SCN2B: variants seen among roughly 807,000 people sequenced by gnomAD.
The protein encoded by SCN2B is sodium channel regulatory subunit beta-2.
SCN2B carries 14 observed loss-of-function variants against 18.2 expected under a neutral mutation model. The observed-to-expected ratio is 0.77, with a 90% confidence interval of 0.51 to 1.21. SCN2B has a LOEUF of 1.21. Among genes scored for constraint, SCN2B ranks in the 50% most tolerant of loss-of-function variants. SCN2B has a pLI of 0.00. For missense variants in SCN2B, 262 were observed against 286.9 expected, an observed-to-expected ratio of 0.91 and a Z score of 0.63; for synonymous variants, 115 against 115.3, an observed-to-expected ratio of 1.00 and a Z score of 0.02.
At chr11:118,169,149 T>C (rs1263672347) in intron 1 of SCN2B, among the ~76,000 whole-genome samples, 1 of 152,072 alleles carries the variant, frequency 6.6e-6, no homozygotes, top group African/African-American at 2.4e-5. Context: ...GATGTGGTCT[T>C]TGGGGCAAAG....
intron 1 of SCN2B, among the ~76,000 whole-genome samples, chr11:118,173,250 A>AC (rs1948443519): frequency 6.6e-6 from 1 of 151,456 alleles, no homozygotes; most frequent in South Asian, 2.1e-4. Flanking sequence ...CACTCCAGTG[A>AC]CCCCAGTTCT....
chr11:118,167,058 G>A lies in SCN2B; in HGVS notation c.477C>T (p.Ala159=), dbSNP rs777479532. Residue 159 remains alanine, a synonymous_variant, in exon 4 of 4, where the codon GCC becomes GCT. Transcript: ENST00000278947. ...EEPPERDSTV[A]VIVGASVGGF... is the part of the protein sequence containing the mutation. ...CCCCGACGGAGGCACCCACAATCAC[G>A]GCCACCGTGGAGTCCCGCTCAGGGG... 4.2e-5 allele frequency: 67 copies of A among 1,612,926 alleles called. No individual in the cohort carries two copies. The highest frequency in any genetic ancestry group is 1.2e-4 in the Admixed American group (7 of 60,004).
chr11:118,174,101 T>TTTTTTTTTG lies in SCN2B; in HGVS notation c.70+2260_70+2261insCAAAAAAAA. ...GCTTATTTTTCTTTTCTTTTTTTTT[T>TTTTTTTTTG]TTTTTTTTTTTTTTTTTTTGTAGAG... On this transcript the variant is annotated intron_variant, in intron 1 of 3. Transcript: ENST00000278947. Among the ~76,000 whole-genome samples the TTTTTTTTTG allele has an allele frequency of 5.5e-5, 7 of 126,350 alleles. 1 individual carries two copies. Among genetic ancestry groups the TTTTTTTTTG allele is most frequent in the African/African-American group, 2.2e-4 (7 of 31,722 alleles). 82.9% of individuals were successfully genotyped at this position (126,350 alleles called of 152,430 possible). A position where few individuals can be genotyped will look rare whatever the true frequency, so the allele number is the denominator to read the frequency against.
intron 1 of SCN2B, 139 bp downstream of exon 1, chr11:118,176,223 C>G: frequency 1.3e-6 from 1 of 798,258 alleles, no homozygotes; most frequent in Non-Finnish European, 2.2e-6. Context: ...ACGTCCCTTC[C>G]AGTCCCCAGC....
rs8192615 is a variant in SCN2B at position 118,166,628 on chromosome 11, A to C, written c.*259T>G. 8.6e-5 allele frequency: 45 copies of C among 523,826 alleles called. No homozygotes were observed. The highest frequency in any genetic ancestry group is 1.4e-4 in the East Asian group (4 of 29,548). 32.4% of individuals were successfully genotyped at this position (523,826 alleles called of 1,614,324 possible). ...TCACATGTGCCTCCTGCCTCCCCCC[A>C]GGGACTGGCAGGTGGGAGCCCTTTC... On this transcript the variant is annotated 3_prime_UTR_variant, in exon 4 of 4. Transcript: ENST00000278947.
Position 118,168,563 on chromosome 11 carries a change from C to T in SCN2B, c.237+22G>A, listed in dbSNP as rs141790881. On this transcript the variant is annotated intron_variant, in intron 2 of 3. Coordinates refer to ENST00000278947, the MANE Select transcript of SCN2B (RefSeq NM_004588.5). This position sits in a 1 kb window ranked among gnomAD's most constrained non-coding sequence, Gnocchi z 4.7. Reference sequence around the variant, plus strand: ...GGGGCTCCTACCTCCTCCCCTGCCCCTGCCTTCAGCCCAGGACTCACCATC... The same window carrying T: ...GGGGCTCCTACCTCCTCCCCTGCCCTTGCCTTCAGCCCAGGACTCACCATC... The T allele has an allele frequency of 1.5e-4, 241 of 1,614,130 alleles. No individual in the cohort carries two copies. The African/African-American group carries it at 2.9e-3, about 19-fold the overall frequency.
chr11:118,170,276 G>T (rs764887828), intron 1 of SCN2B, among the ~76,000 whole-genome samples: 10 of 152,212 alleles, frequency 6.6e-5, no homozygotes, highest in African/African-American at 9.6e-5. Context: ...TGTCGGGTGG[G>T]CAGGGAAGAC....
intron 1 of SCN2B, among the ~76,000 whole-genome samples, chr11:118,169,256 T>C (rs1259317711): frequency 6.6e-6 from 1 of 152,160 alleles, no homozygotes; most frequent in Non-Finnish European, 1.5e-5. Context: ...AAGCCTTTTC[T>C]AGAACCACTG....
intron 1 of SCN2B, among the ~76,000 whole-genome samples, chr11:118,170,487 C>T (rs970042713): frequency 2.0e-5 from 3 of 152,112 alleles, no homozygotes; most frequent in Non-Finnish European, 4.4e-5. Context: ...AAGAGTTAGG[C>T]AGGGACCAGC....
At position 118,165,545 on chromosome 11, in the gene SCN2B, C is replaced by G. The variant is rs1208363890; in HGVS notation, c.*1342G>C. On this transcript the variant is annotated 3_prime_UTR_variant, in exon 4 of 4. Transcript: ENST00000278947. Reference sequence around the variant, plus strand: ...AATTGCAGTGGCACTATCACTATCTCAGTTCACTGCAACCTCTGCTTCCCG... The same window carrying G: ...AATTGCAGTGGCACTATCACTATCTGAGTTCACTGCAACCTCTGCTTCCCG... 1 of 134,690 alleles carries G rather than the reference C, an allele frequency of 7.4e-6. No individual in the cohort carries two copies. Among genetic ancestry groups the G allele is most frequent in the Non-Finnish European group, 1.5e-5 (1 of 65,876 alleles). 8.3% of individuals were successfully genotyped at this position (134,690 alleles called of 1,614,324 possible). A position where few individuals can be genotyped will look rare whatever the true frequency, so the allele number is the denominator to read the frequency against.
rs1948406975 is a variant in SCN2B, at chr11:118,168,741, T to C, written c.81A>G (p.Gly27=). 5.0e-6 allele frequency: 8 copies of C among 1,614,060 alleles called. No individual in the cohort carries two copies. Among genetic ancestry groups the C allele is most frequent in the Non-Finnish European group, 6.8e-6 (8 of 1,180,028 alleles). ...LSLFFSLVPP[G]RSMEVTVPAT... ...CAGGTACTGTGACCTCCATGCTCCG[T>C]CCTGGTGGCACTGCAGATGAAGCCA... Residue 27 remains glycine (G), a synonymous_variant, in exon 2 of 4, where the codon GGA becomes GGG. Transcript: ENST00000278947. The surrounding 1 kb of genome is among the most constrained non-coding windows in gnomAD (Gnocchi z 4.7).
At chr11:118,174,869 T>C (rs1424537246) in intron 1 of SCN2B, among the ~76,000 whole-genome samples, 1 of 152,200 alleles carries the variant, frequency 6.6e-6, no homozygotes, top group Non-Finnish European at 1.5e-5. Flanking sequence ...CTGGGCCTCC[T>C]TACAACAGGC....
intron 1 of SCN2B, among the ~76,000 whole-genome samples, chr11:118,170,923 G>A (rs1948426262): frequency 2.0e-5 from 3 of 152,152 alleles, no homozygotes. Flanking sequence ...CGTAGGAATT[G>A]GCGAACAGCC....
intron 1 of SCN2B, among the ~76,000 whole-genome samples, chr11:118,171,243 T>A (rs759218297): frequency 3.9e-5 from 6 of 152,140 alleles, no homozygotes; most frequent in African/African-American, 7.2e-5. Flanking sequence ...TGAGCTTAAG[T>A]GCTCATTAGG....
In SCN2B at chr11:118,166,260, G is replaced by A. The variant is rs1224283717; in HGVS notation, c.*627C>T. The A allele has an allele frequency of 1.3e-5, 2 of 159,944 alleles. No homozygotes were observed. Among genetic ancestry groups the A allele is most frequent in the Non-Finnish European group, 2.8e-5 (2 of 72,500 alleles). The allele number at this position is 159,944 out of a possible 1,614,324, so 9.9% of individuals were successfully genotyped here. A position where few individuals can be genotyped will look rare whatever the true frequency, so the allele number is the denominator to read the frequency against. ...CAAGGAGGCCACTAGCAATGGAAAC[G>A]AGGGCCCAACATGGCCTCCTGGGCC... is the stretch of plus-strand genomic sequence containing the variant. On this transcript the variant is annotated 3_prime_UTR_variant, in exon 4 of 4. Transcript: ENST00000278947.
chr11:118,172,882 T>A (rs2135520323), intron 1 of SCN2B, among the ~76,000 whole-genome samples: 1 of 130,254 alleles, frequency 7.7e-6, no homozygotes, highest in South Asian at 2.4e-4. Flanking sequence ...AGGTAATTAT[T>A]TTCTTCTTGG....
rs565723278 is a variant in SCN2B, at chr11:118,171,714, G to C, written c.71-2963C>G. ...GGGCGCCTTTTCTGGCCGGCAGGAC[G>C]GGGGCAGCCGGAGAGGTGCAATGCG... On this transcript the variant is annotated intron_variant, in intron 1 of 3. Coordinates refer to ENST00000278947, the MANE Select transcript of SCN2B (RefSeq NM_004588.5). 7.7e-3 allele frequency among the ~76,000 whole-genome samples: 1,166 copies of C among 152,300 alleles called. 5 individuals carry two copies. The highest frequency in any genetic ancestry group is 0.012 in the Non-Finnish European group (794 of 68,022).
At chr11:118,167,236 A>G in intron 3 of SCN2B, 150 bp from the exon 4 acceptor site, 1 of 797,182 alleles carries the variant, frequency 1.3e-6, no homozygotes, top group South Asian at 1.8e-5. Context: ...CCAGTGACTG[A>G]CCCTGAAGCG....
chr11:118,176,363 C>A lies in SCN2B; in HGVS notation c.69G>T (p.Leu23Phe). The A allele has an allele frequency of 6.2e-7, 1 of 1,613,756 alleles. No individual in the cohort carries two copies. The highest frequency in any genetic ancestry group is 8.5e-7 in the Non-Finnish European group (1 of 1,179,748). Residue 23 changes from leucine (L) to phenylalanine (F), a missense_variant and splice_region_variant, in exon 1 of 4, where the codon TTG becomes TTT. Transcript: ENST00000278947. The stretch of plus-strand genomic sequence containing the variant: ...AGCATGCAGATGTGTCTAACTTACC[C>A]AAAGAGAAAAAGAGACTGAGCCCCG... ...SLTGLSLFFS[L>F]VPPGRSMEVT...
Sources: allele counts gnomAD v4.1 joint callset (sites outside exome capture counted in the v4.1 genomes callset), GRCh38; gene constraint gnomAD v4.1.1; non-coding constraint Gnocchi (gnomAD v3.1); transcripts MANE v1.5; gene names NCBI Gene and HGNC (gene_info 2026-07-23, HGNC 2026-07-21).